CNTN5: variants seen among roughly 807,000 people sequenced by gnomAD.
CNTN5 encodes the protein contactin 5.
CNTN5 carries 77 observed loss-of-function variants against 129.1 expected under a neutral mutation model. The observed-to-expected ratio is 0.60, with a 90% CI of 0.50 to 0.72. The LOEUF (loss-of-function observed/expected upper bound fraction) is 0.72, where lower values mean the gene tolerates loss of function less well. Among genes scored for constraint, CNTN5 ranks in the 30% least tolerant of loss-of-function variants. The pLI, the probability that CNTN5 is intolerant of heterozygous loss-of-function variation, is 0.00. For synonymous variants in CNTN5, 509 were observed against 465.6 expected (o/e 1.09, Z -1.20); for missense variants, 1,478 against 1,328.8 (o/e 1.11, Z -1.75).
chr11:99,520,234 A>C (rs1260288991), intron 2 of CNTN5, among the ~76,000 whole-genome samples: 3 of 152,114 alleles, frequency 2.0e-5, no homozygotes, highest in South Asian at 2.1e-4. Context: ...AGAGTTTCCT[A>C]AACTTTGAAG....
intron 13 of CNTN5, among the ~76,000 whole-genome samples, chr11:100,094,160 G>T (rs1398179542): frequency 6.6e-6 from 1 of 152,130 alleles, no homozygotes; most frequent in Admixed American, 6.6e-5. Context: ...TCAGGAGACT[G>T]AACTGAGCAG....
intron 9 of CNTN5, among the ~76,000 whole-genome samples, chr11:100,014,608 A>T (rs1156533442): frequency 6.6e-6 from 1 of 152,148 alleles, no homozygotes; most frequent in African/African-American, 2.4e-5. Context: ...ATTAAAAATT[A>T]AAAATACATA....
chr11:99,689,823 T>C lies in CNTN5; in HGVS notation c.56-129721T>C, dbSNP rs183961949. Among the ~76,000 whole-genome samples the C allele has an allele frequency of 2.2e-3, 335 of 152,260 alleles. 1 individual carries two copies. The highest frequency in any genetic ancestry group is 7.7e-3 in the African/African-American group (318 of 41,568). ...TTTTAAGTTCCTTGTAAAGTCTGGA[T>C]ATTACTCCTTTGTCAGATGAACAGA... On this transcript the variant is annotated intron_variant, in intron 3 of 24. Coordinates refer to ENST00000524871, the MANE Select transcript of CNTN5 (RefSeq NM_014361.4).
chr11:100,063,822 C>T (rs779414059), intron 10 of CNTN5, among the ~76,000 whole-genome samples: 13 of 151,928 alleles, frequency 8.6e-5, no homozygotes, highest in African/African-American at 1.5e-4. Flanking sequence ...AGAAAGTCAA[C>T]GCTGCGGTGA....
At chr11:99,705,513 CTTGG>C (rs938746991) in intron 3 of CNTN5, among the ~76,000 whole-genome samples, 39 of 151,398 alleles carry the variant, frequency 2.6e-4, no homozygotes, top group Admixed American at 1.1e-3. Context: ...TTATTCTGTA[CTTGG>C]TTGGTTATTA....
At chr11:99,381,354 G>A (rs1253353772) in intron 2 of CNTN5, among the ~76,000 whole-genome samples, 1 of 152,154 alleles carries the variant, frequency 6.6e-6, no homozygotes, top group Non-Finnish European at 1.5e-5. Context: ...AGTCAATGGA[G>A]ATGATTTATT....
intron 3 of CNTN5, among the ~76,000 whole-genome samples, chr11:99,690,533 T>C (rs772846588): frequency 3.7e-4 from 57 of 152,174 alleles, no homozygotes; most frequent in Non-Finnish European, 7.5e-4. Flanking sequence ...TTAATGAGAA[T>C]AGCATTTAAT....
chr11:99,040,412 T>C lies in CNTN5; in HGVS notation c.-210+19142T>C, dbSNP rs1279117590. 3.9e-5 allele frequency among the ~76,000 whole-genome samples: 6 copies of C among 152,218 alleles called. No homozygotes were observed. The East Asian group carries it at 9.6e-4, about 24-fold the overall frequency. On this transcript the variant is annotated intron_variant, in intron 1 of 24. Coordinates refer to ENST00000524871, the MANE Select transcript of CNTN5 (RefSeq NM_014361.4). The stretch of plus-strand genomic sequence containing the variant: ...TGTAGTAAATACATTTTATAAGATA[T>C]GAGATAAATATTGCATCAGCCTGAT...
chr11:99,770,699 G>A (rs888742800), intron 3 of CNTN5, among the ~76,000 whole-genome samples: 6 of 151,700 alleles, frequency 4.0e-5, no homozygotes, highest in Non-Finnish European at 7.4e-5. Flanking sequence ...TTTATTTTTT[G>A]ATGCTATTGT....
chr11:99,595,534 A>G (rs1432963142), intron 3 of CNTN5, among the ~76,000 whole-genome samples: 1 of 152,150 alleles, frequency 6.6e-6, no homozygotes, highest in Non-Finnish European at 1.5e-5. Flanking sequence ...TAATAGGTAA[A>G]GTGCAATATT....
intron 23 of CNTN5, among the ~76,000 whole-genome samples, chr11:100,347,952 A>G (rs1027705703): frequency 6.6e-6 from 1 of 152,044 alleles, no homozygotes; most frequent in Non-Finnish European, 1.5e-5. Context: ...ACCATCAAAC[A>G]TATAGAATAG....
At chr11:99,051,763 G>A (rs903558012) in intron 1 of CNTN5, among the ~76,000 whole-genome samples, 2 of 151,762 alleles carry the variant, frequency 1.3e-5, no homozygotes, top group Admixed American at 6.6e-5. Context: ...TTAATTCATC[G>A]AAGTGTACTA....
chr11:100,146,819 G>A (rs143093653), intron 13 of CNTN5, among the ~76,000 whole-genome samples: 1 of 152,102 alleles, frequency 6.6e-6, no homozygotes, highest in Non-Finnish European at 1.5e-5. Context: ...TGTGAACAAT[G>A]CATGAACATC....
intron 13 of CNTN5, among the ~76,000 whole-genome samples, chr11:100,105,898 A>G (rs754844107): frequency 3.3e-5 from 5 of 152,190 alleles, no homozygotes; most frequent in Non-Finnish European, 7.4e-5. Flanking sequence ...AACAACTCTT[A>G]GTCAAACAAG....
intron 2 of CNTN5, among the ~76,000 whole-genome samples, chr11:99,453,994 A>G (rs1013161393): frequency 2.6e-5 from 4 of 152,184 alleles, no homozygotes; most frequent in African/African-American, 4.8e-5. Flanking sequence ...TAGTATTCCA[A>G]TCTTCACTCA....
chr11:99,036,447 T>C (rs1004823837), intron 1 of CNTN5, among the ~76,000 whole-genome samples: 7 of 152,156 alleles, frequency 4.6e-5, no homozygotes, highest in African/African-American at 1.7e-4. Flanking sequence ...TATCTAATTT[T>C]TAATAGAGTA....
chr11:99,070,027 C>A (rs1050400938), intron 1 of CNTN5, among the ~76,000 whole-genome samples: 1 of 152,200 alleles, frequency 6.6e-6, no homozygotes, highest in Admixed American at 6.5e-5. Flanking sequence ...TGGTTTCTCT[C>A]TTCAGGCTGC....
intron 9 of CNTN5, among the ~76,000 whole-genome samples, chr11:100,004,243 A>G (rs1381712382): frequency 1.3e-5 from 2 of 152,062 alleles, no homozygotes; most frequent in African/African-American, 4.8e-5. Flanking sequence ...CTGTGTCCTA[A>G]CCAAACATTC....
At position 100,061,343 on chromosome 11, in the gene CNTN5, C is replaced by G. The variant is rs1565203971; in HGVS notation, c.1112C>G (p.Ala371Gly). 6.2e-7 allele frequency: 1 copy of G among 1,606,786 alleles called. No homozygotes were observed. Among genetic ancestry groups the G allele is most frequent in the Non-Finnish European group, 8.5e-7 (1 of 1,174,376 alleles). The change falls in exon 10 of 25, where the codon GCT becomes GGT. Residue 371 changes from alanine to glycine, a missense_variant. Ala to Gly is a moderately conservative substitution (Grantham distance 60). Coordinates refer to ENST00000524871, the MANE Select transcript of CNTN5 (RefSeq NM_014361.4). ...LDDAGIYECR[A>G]ENSRGKNSFR... is the part of the protein sequence containing the mutation. Reference sequence around the variant, plus strand: ...GATGCAGGCATTTATGAGTGCAGAGCTGAAAACTCACGTGGAAAAAATTCC... The same window carrying G: ...GATGCAGGCATTTATGAGTGCAGAGGTGAAAACTCACGTGGAAAAAATTCC...
Sources: gnomAD v4.1 joint callset for allele counts (sites outside exome capture counted in the v4.1 genomes callset) on GRCh38, gnomAD v4.1.1 for gene constraint, MANE v1.5 for transcripts, NCBI Gene and HGNC (gene_info 2026-07-23, HGNC 2026-07-21) for gene names.